Variants in MECOM observed in about 807,000 individuals in gnomAD.
MECOM encodes the protein MDS1 and EVI1 complex locus.
In MECOM, 13 loss-of-function variants were observed where a neutral mutation model predicts 116.3. The observed-to-expected ratio is 0.11, with a 90% CI of 0.07 to 0.18. The LOEUF is 0.18. MECOM is among the 10% of genes least tolerant of loss of function. The pLI is 1.00. For synonymous variants in MECOM, 528 were observed against 535.2 expected (o/e 0.99, Z 0.19); for missense variants, 1,299 against 1,509.0 (o/e 0.86, Z 2.31).
At chr3:169,517,848 G>GA (rs1259788665) in intron 1 of MECOM, among the ~76,000 whole-genome samples, 3 of 152,128 alleles carry the variant, frequency 2.0e-5, no homozygotes, top group Non-Finnish European at 2.9e-5. Context: ...AAAAAAGAGA[G>GA]AAAAAATAAG....
chr3:169,660,902 G>C (rs546139271), intron 1 of MECOM, among the ~76,000 whole-genome samples: 9 of 152,342 alleles, frequency 5.9e-5, no homozygotes, highest in African/African-American at 2.2e-4. Flanking sequence ...GCAACAGCTG[G>C]AGTAGTGCAA....
intron 2 of MECOM, among the ~76,000 whole-genome samples, chr3:169,203,000 T>A (rs1016483757): frequency 2.6e-5 from 4 of 152,080 alleles, no homozygotes; most frequent in Non-Finnish European, 5.9e-5. Flanking sequence ...AGCCCTGGAA[T>A]CAACATAGCC....
At chr3:169,092,880 A>G (rs560471200) in intron 14 of MECOM, 78 bp downstream of exon 14, 1 of 1,563,650 alleles carries the variant, frequency 6.4e-7, no homozygotes, top group South Asian at 1.1e-5. Context: ...AGTGCCACAA[A>G]AGTGAGCATA....
intron 1 of MECOM, among the ~76,000 whole-genome samples, chr3:169,394,856 G>A (rs1734779604): frequency 6.6e-6 from 1 of 152,042 alleles, no homozygotes; most frequent in South Asian, 2.1e-4. Context: ...TAACCCTCCT[G>A]GATCTCGACA....
intron 2 of MECOM, among the ~76,000 whole-genome samples, chr3:169,148,485 T>C (rs1244024993): frequency 6.6e-6 from 1 of 152,146 alleles, no homozygotes; most frequent in Non-Finnish European, 1.5e-5. Context: ...CTTTGTAAGA[T>C]TTAGTAAATC....
At chr3:169,145,260 A>T (rs1739513719) in intron 2 of MECOM, 1 of 448,378 alleles carries the variant, frequency 2.2e-6, no homozygotes, top group Non-Finnish European at 3.9e-6. Flanking sequence ...GTACACTTAA[A>T]CATCCTTTCT....
At chr3:169,193,342 A>G (rs1279686151) in intron 2 of MECOM, among the ~76,000 whole-genome samples, 1 of 152,036 alleles carries the variant, frequency 6.6e-6, no homozygotes, top group Non-Finnish European at 1.5e-5. Flanking sequence ...AAGGAAAAAA[A>G]TAGTTCTCAA....
chr3:169,193,053 C>A (rs1385907384), intron 2 of MECOM, among the ~76,000 whole-genome samples: 1 of 151,898 alleles, frequency 6.6e-6, no homozygotes, highest in Non-Finnish European at 1.5e-5. Flanking sequence ...AGGGAGGGAG[C>A]AGACATGGGG....
chr3:169,195,304 C>T (rs750481569), intron 2 of MECOM, among the ~76,000 whole-genome samples: 1 of 152,024 alleles, frequency 6.6e-6, no homozygotes, highest in Non-Finnish European at 1.5e-5. Flanking sequence ...CCCAACAGGG[C>T]CTTTCCTTGC....
At position 169,662,450 on chromosome 3, in the gene MECOM, C is replaced by T. The variant is rs952319438; in HGVS notation, c.37+886G>A. Among the ~76,000 whole-genome samples, 4 of 152,170 alleles carry T rather than the reference C, an allele frequency of 2.6e-5. No individual in the cohort carries two copies. The South Asian group carries it at 8.3e-4, about 31-fold the overall frequency. ...CTGCCGCCGCTGGCTGTGTGCCCTC[C>T]ACTCCCGGCTCTCCGAGCGCTCGCT... On this transcript the variant is annotated intron_variant, in intron 1 of 16. Transcript: ENST00000651503.
chr3:169,635,082 C>T (rs541321916), intron 1 of MECOM, among the ~76,000 whole-genome samples: 6 of 152,200 alleles, frequency 3.9e-5, no homozygotes, highest in African/African-American at 1.4e-4. Flanking sequence ...GCCCTTGTGG[C>T]GCTGCCAGGG....
intron 2 of MECOM, among the ~76,000 whole-genome samples, chr3:169,349,275 T>C (rs1373364516): frequency 4.6e-5 from 7 of 151,896 alleles, no homozygotes; most frequent in South Asian, 2.1e-4. Context: ...ATGTTTCTCA[T>C]TACCCTCTGC....
chr3:169,486,792 T>C (rs914856749), intron 1 of MECOM, among the ~76,000 whole-genome samples: 1 of 152,060 alleles, frequency 6.6e-6, no homozygotes, highest in East Asian at 1.9e-4. Context: ...TACAAGATTT[T>C]CTCAGATAAA....
intron 2 of MECOM, among the ~76,000 whole-genome samples, chr3:169,279,200 G>A (rs958006908): frequency 2.0e-5 from 3 of 152,048 alleles, no homozygotes; most frequent in African/African-American, 7.2e-5. Flanking sequence ...TAATAAACCA[G>A]GATCTTCACA....
intron 1 of MECOM, among the ~76,000 whole-genome samples, chr3:169,596,124 T>C (rs1346333889): frequency 6.6e-6 from 1 of 152,264 alleles, no homozygotes; most frequent in African/African-American, 2.4e-5. Flanking sequence ...TTCTCCATTT[T>C]CTCAAAAGGT....
chr3:169,657,992 T>C (rs147152221), intron 1 of MECOM, among the ~76,000 whole-genome samples: 2 of 152,192 alleles, frequency 1.3e-5, no homozygotes, highest in Non-Finnish European at 2.9e-5. Flanking sequence ...TTCTGATCGA[T>C]TTGTCTGTCT....
At chr3:169,602,309 C>G (rs779512249) in intron 1 of MECOM, among the ~76,000 whole-genome samples, 1 of 152,130 alleles carries the variant, frequency 6.6e-6, no homozygotes, top group Non-Finnish European at 1.5e-5. Context: ...TTCCAGATAG[C>G]CTTAACCACC....
chr3:169,646,811 T>C (rs34781085), intron 1 of MECOM, among the ~76,000 whole-genome samples: 44,469 of 152,086 alleles, frequency 0.29, 7,662 homozygotes, highest in East Asian at 0.45. Flanking sequence ...GCTTGTGATG[T>C]CAGGCAATGA....
intron 2 of MECOM, among the ~76,000 whole-genome samples, chr3:169,232,988 C>G (rs1753593322): frequency 6.6e-6 from 1 of 152,036 alleles, no homozygotes; most frequent in Non-Finnish European, 1.5e-5. Flanking sequence ...AGGTCCCCAA[C>G]AAGCAGTTGG....
Sources: gnomAD v4.1 joint callset for allele counts (sites outside exome capture counted in the v4.1 genomes callset) on GRCh38, gnomAD v4.1.1 for gene constraint, MANE v1.5 for transcripts, NCBI Gene and HGNC (gene_info 2026-07-23, HGNC 2026-07-21) for gene names.